UBXN7: variants seen among roughly 807,000 people sequenced by gnomAD.
UBXN7 encodes UBX domain-containing protein 7.
Under a neutral mutation model 58.0 loss-of-function variants are expected in UBXN7, and 9 were observed. The observed-to-expected ratio is 0.16, with a 90% CI of 0.09 to 0.27. The LOEUF (loss-of-function observed/expected upper bound fraction) is 0.27. Ranked by LOEUF, UBXN7 falls within the 10% of genes least tolerant of loss-of-function variation. The pLI is 1.00. For missense variants in UBXN7, 328 were observed against 599.6 expected (o/e 0.55, Z 4.73); for synonymous variants, 208 against 205.0 (o/e 1.01, Z -0.12).
At chr3:196,418,201 C>G (rs112305085) in intron 1 of UBXN7, among the ~76,000 whole-genome samples, 1,935 of 151,862 alleles carry the variant, frequency 0.013, 42 homozygotes, top group African/African-American at 0.044. Flanking sequence ...CACGCCACTG[C>G]ACTCCAGCCT....
At position 196,356,850 on chromosome 3, in the gene UBXN7, TAA is replaced by T; in HGVS notation, c.1309-6_1309-5del. Reference sequence around the variant, plus strand: ...ACTGCACGTGCTTCACCAAAGCCTATAAAAACAAGAGAAAGACAAAGCCATTA... The same window carrying T: ...ACTGCACGTGCTTCACCAAAGCCTATAAACAAGAGAAAGACAAAGCCATTA... On this transcript the variant is annotated splice_region_variant and splice_polypyrimidine_tract_variant and intron_variant, in intron 10 of 10. Transcript: ENST00000296328. 1 of 1,599,366 alleles carries T rather than the reference TAA, an allele frequency of 6.3e-7. No individual in the cohort carries two copies. Among genetic ancestry groups the T allele is most frequent in the Non-Finnish European group, 8.5e-7 (1 of 1,176,774 alleles).
At chr3:196,421,438 G>A (rs1284202223) in intron 1 of UBXN7, among the ~76,000 whole-genome samples, 1 of 152,152 alleles carries the variant, frequency 6.6e-6, no homozygotes, top group Non-Finnish European at 1.5e-5. Flanking sequence ...GTAATTTTAT[G>A]TCTGTTGAAT....
At chr3:196,417,914 C>T (rs1730552523) in intron 1 of UBXN7, among the ~76,000 whole-genome samples, 1 of 150,632 alleles carries the variant, frequency 6.6e-6, no homozygotes, top group South Asian at 2.1e-4. Flanking sequence ...GAGCAAAATC[C>T]TGTCTCTAAA....
chr3:196,359,765 C>T (rs923332170), intron 10 of UBXN7, among the ~76,000 whole-genome samples: 1 of 151,922 alleles, frequency 6.6e-6, no homozygotes, highest in Non-Finnish European at 1.5e-5. Flanking sequence ...GTTAGCTGGG[C>T]GTGGTGGTGG....
At chr3:196,424,050 C>T (rs1446907949) in intron 1 of UBXN7, among the ~76,000 whole-genome samples, 2 of 151,864 alleles carry the variant, frequency 1.3e-5, no homozygotes, top group East Asian at 1.9e-4. Flanking sequence ...CCACCATGCC[C>T]GGCTCATTTT....
At chr3:196,401,298 T>TATATATATATAC (rs1269101481) in intron 3 of UBXN7, among the ~76,000 whole-genome samples, 11 of 61,684 alleles carry the variant, frequency 1.8e-4, no homozygotes, top group Non-Finnish European at 2.5e-4. Context: ...TATATATATA[T>TATATATATATAC]ACACACACAC....
intron 2 of UBXN7, among the ~76,000 whole-genome samples, chr3:196,406,939 G>A (rs1190706799): frequency 6.6e-6 from 1 of 152,134 alleles, no homozygotes; most frequent in Non-Finnish European, 1.5e-5. Flanking sequence ...TTTATTTGCT[G>A]CTGCCGTGAG....
intron 1 of UBXN7, among the ~76,000 whole-genome samples, chr3:196,417,616 G>GA (rs200231054): frequency 0.013 from 1,834 of 144,778 alleles, 31 homozygotes; most frequent in Non-Finnish European, 0.017. Context: ...TGAATTAAAA[G>GA]AATTCAGCTG....
intron 1 of UBXN7, among the ~76,000 whole-genome samples, chr3:196,415,479 C>A (rs560312821): frequency 2.0e-5 from 3 of 146,344 alleles, no homozygotes; most frequent in African/African-American, 7.5e-5. Flanking sequence ...GAATGCTGGA[C>A]TATACAAGTT....
intron 2 of UBXN7, among the ~76,000 whole-genome samples, chr3:196,406,061 C>T (rs1307611117): frequency 4.0e-5 from 6 of 151,334 alleles, no homozygotes; most frequent in African/African-American, 1.5e-4. Context: ...CAGGAGGCCT[C>T]ACTCTGTGTC....
chr3:196,416,892 G>A (rs1383210564), intron 1 of UBXN7, among the ~76,000 whole-genome samples: 12 of 152,204 alleles, frequency 7.9e-5, no homozygotes, highest in Non-Finnish European at 1.6e-4. Flanking sequence ...GAAGAGGGAT[G>A]TAAGTAGCTT....
chr3:196,428,196 T>G (rs1040364567), intron 1 of UBXN7, among the ~76,000 whole-genome samples: 5 of 152,052 alleles, frequency 3.3e-5, no homozygotes, highest in African/African-American at 1.2e-4. Flanking sequence ...AGCTTCTCAG[T>G]GTGGTTACTT....
intron 3 of UBXN7, among the ~76,000 whole-genome samples, chr3:196,394,682 G>A (rs1009896862): frequency 6.6e-5 from 10 of 152,180 alleles, no homozygotes; most frequent in African/African-American, 1.7e-4. Flanking sequence ...ATGATGCCAC[G>A]TAGAGATGAA....
At chr3:196,404,082 T>TA (rs530412151) in intron 2 of UBXN7, among the ~76,000 whole-genome samples, 1,924 of 128,762 alleles carry the variant, frequency 0.015, 43 homozygotes, top group South Asian at 0.081. Flanking sequence ...ACTCCATCTC[T>TA]AAAAAAAAAA....
At chr3:196,370,267 T>G (rs1728783973) in intron 6 of UBXN7, among the ~76,000 whole-genome samples, 1 of 109,066 alleles carries the variant, frequency 9.2e-6, no homozygotes, top group African/African-American at 3.2e-5. Context: ...CGAGAAGTTT[T>G]TTTGTTTTTT....
At chr3:196,357,414 A>G (rs1229696810) in intron 10 of UBXN7, among the ~76,000 whole-genome samples, 1 of 152,226 alleles carries the variant, frequency 6.6e-6, no homozygotes, top group Non-Finnish European at 1.5e-5. Flanking sequence ...GCCTGACGCA[A>G]GGGATTCATT....
chr3:196,411,023 A>G (rs1416164235), intron 1 of UBXN7, among the ~76,000 whole-genome samples: 1 of 152,018 alleles, frequency 6.6e-6, no homozygotes, highest in Non-Finnish European at 1.5e-5. Context: ...TCGTCCCCTC[A>G]TCTAGTTCAT....
chr3:196,356,566 G>A lies in UBXN7; in HGVS notation c.*119C>T, dbSNP rs1728355514. On this transcript the variant is annotated 3_prime_UTR_variant, in exon 11 of 11. Coordinates refer to ENST00000296328, the MANE Select transcript of UBXN7 (RefSeq NM_015562.2). ...GAGATCAAGAAATAAGAGAAGGAAG[G>A]TGACTTGCTTGCCCAACTTTGGCTC... 6 of 1,052,838 alleles carry A rather than the reference G, an allele frequency of 5.7e-6. No individual in the cohort carries two copies. The highest frequency in any genetic ancestry group is 8.2e-6 in the Non-Finnish European group (6 of 732,208). The allele number at this position is 1,052,838 out of a possible 1,614,324, so 65.2% of individuals were successfully genotyped here.
intron 1 of UBXN7, among the ~76,000 whole-genome samples, chr3:196,417,110 G>A (rs567630814): frequency 1.6e-4 from 24 of 152,130 alleles, no homozygotes; most frequent in Admixed American, 2.6e-4. Context: ...TCAGGAGATC[G>A]AGACCATCCT....
Sources: gnomAD v4.1 joint callset for allele counts (sites outside exome capture counted in the v4.1 genomes callset) on GRCh38, gnomAD v4.1.1 for gene constraint, MANE v1.5 for transcripts, NCBI Gene and HGNC (gene_info 2026-07-23, HGNC 2026-07-21) for gene names.